RPGRIP1L: variants seen among roughly 807,000 people sequenced by gnomAD.
RPGRIP1L encodes RPGRIP1 like.
RPGRIP1L carries 131 observed loss-of-function variants against 160.4 expected under a neutral mutation model. That is an observed-to-expected ratio of 0.82 (90% CI 0.71 to 0.94). RPGRIP1L has a LOEUF of 0.94. Among genes scored for constraint, RPGRIP1L ranks in the 40% least tolerant of loss-of-function variants. The pLI is 0.00. For synonymous variants in RPGRIP1L, 510 were observed against 515.8 expected, an observed-to-expected ratio of 0.99 and a Z score of 0.15; for missense variants, 1,522 against 1,535.8, an observed-to-expected ratio of 0.99 and a Z score of 0.15.
Position 53,652,703 on chromosome 16 carries a change from G to C in RPGRIP1L, c.1984C>G (p.Leu662Val). 1.2e-6 allele frequency: 2 copies of C among 1,614,100 alleles called. No homozygotes were observed. The highest frequency in any genetic ancestry group is 1.7e-6 in the Non-Finnish European group (2 of 1,179,990). Residue 662 changes from leucine to valine, a missense_variant, in exon 15 of 27, where the codon CTT becomes GTT. Leu to Val is a conservative substitution (Grantham distance 32, BLOSUM62 1). Coordinates refer to ENST00000647211, the MANE Select transcript of RPGRIP1L (RefSeq NM_015272.5). ...AAAAATAAGTCATTAACATGAACAAGATATTGAGAAGTGAAGTTATATTCG... is the reference window on the plus strand; with the variant it reads ...AAAAATAAGTCATTAACATGAACAACATATTGAGAAGTGAAGTTATATTCG... ...HPEYNFTSQYLVHVNDLFLQY... is the reference protein window; with the variant it reads ...HPEYNFTSQYVVHVNDLFLQY...
rs183419371 is a variant in RPGRIP1L at position 53,672,937 on chromosome 16, C to T, written c.962G>A (p.Arg321His). The change falls in exon 8 of 27, where the codon CGT (arginine) becomes CAT (histidine). Residue 321 changes from arginine to histidine, a missense_variant. Transcript: ENST00000647211. ...TTTCTCAAGACTGCAGCATTTTAAA[C>T]GCTGCTCTTTAAGTTGCATGTTTAA... is the stretch of plus-strand genomic sequence containing the variant. ...DELNMQLKEQ[R>H]LKCCSLEKQL... is the part of the protein sequence containing the mutation. 9.4e-5 allele frequency: 152 copies of T among 1,612,240 alleles called. No individual in the cohort carries two copies. The East Asian group carries it at 1.3e-3, about 14-fold the overall frequency.
intron 10 of RPGRIP1L, among the ~76,000 whole-genome samples, chr16:53,663,977 T>C (rs1459869581): frequency 6.6e-6 from 1 of 152,196 alleles, no homozygotes; most frequent in African/African-American, 2.4e-5. Context: ...GAATACTAAC[T>C]AGAAACGTAA....
intron 6 of RPGRIP1L, among the ~76,000 whole-genome samples, chr16:53,677,734 C>T (rs971136696): frequency 6.6e-6 from 1 of 152,116 alleles, no homozygotes; most frequent in Non-Finnish European, 1.5e-5. Flanking sequence ...GGGTGTTTAG[C>T]TAAGTGACCA....
At chr16:53,663,885 A>C (rs143552022) in intron 10 of RPGRIP1L, among the ~76,000 whole-genome samples, 3,364 of 152,284 alleles carry the variant, frequency 0.022, 57 homozygotes, top group Non-Finnish European at 0.034. Context: ...ATGCAACTCA[A>C]TATTAGAGAT....
At chr16:53,628,983 G>GGTGT (rs35864942) in intron 22 of RPGRIP1L, among the ~76,000 whole-genome samples, 2 of 151,594 alleles carry the variant, frequency 1.3e-5, no homozygotes, top group African/African-American at 4.8e-5. Flanking sequence ...CCATAGAAAT[G>GGTGT]GTGTGTGTGT....
At chr16:53,605,759 ATAAGT>A in intron 25 of RPGRIP1L, 145 bp from the exon 26 acceptor site, 2 of 791,710 alleles carry the variant, frequency 2.5e-6, no homozygotes, top group South Asian at 1.5e-5. Flanking sequence ...ACTAGGCTAG[ATAAGT>A]TATTATATGA....
Position 53,641,445 on chromosome 16 carries a change from T to A in RPGRIP1L, c.2714A>T (p.His905Leu), listed in dbSNP as rs769854611. The change falls in exon 18 of 27, where the codon CAT becomes CTT. Residue 905 changes from histidine (H) to leucine (L), a missense_variant. His to Leu is a moderately conservative substitution (Grantham distance 99). Transcript: ENST00000647211. ...TATAACATGGATGGTGCCAGCAGGA[T>A]GCTTTTGATGGTCTGTTAACTCAAA... ...GIFELTDHQK[H>L]PAGTIHVILK... The A allele has an allele frequency of 1.2e-6, 2 of 1,613,946 alleles. No individual in the cohort carries two copies. Among genetic ancestry groups the A allele is most frequent in the South Asian group, 1.1e-5 (1 of 91,076 alleles).
chr16:53,687,222 C>A (rs975498548), intron 5 of RPGRIP1L, among the ~76,000 whole-genome samples: 3 of 152,106 alleles, frequency 2.0e-5, no homozygotes, highest in Admixed American at 6.6e-5. Flanking sequence ...ATACTGTGCG[C>A]CATGTTTTCT....
At chr16:53,664,011 A>G (rs1968031703) in intron 10 of RPGRIP1L, among the ~76,000 whole-genome samples, 1 of 152,220 alleles carries the variant, frequency 6.6e-6, no homozygotes. Flanking sequence ...AGTATGTATT[A>G]AACTTTTAAA....
intron 25 of RPGRIP1L, among the ~76,000 whole-genome samples, chr16:53,606,043 T>C (rs768837406): frequency 3.3e-5 from 5 of 152,004 alleles, no homozygotes; most frequent in Admixed American, 3.3e-4. Context: ...AACTCTGGAG[T>C]TGCTACTAAG....
chr16:53,638,243 A>T (rs1180147741), intron 20 of RPGRIP1L, 67 bp downstream of exon 20: 1 of 964,588 alleles, frequency 1.0e-6, no homozygotes. Context: ...TCATGTCAAA[A>T]CTTATAAGAC....
At chr16:53,650,516 G>A (rs760586037) in intron 15 of RPGRIP1L, among the ~76,000 whole-genome samples, 1 of 152,108 alleles carries the variant, frequency 6.6e-6, no homozygotes, top group African/African-American at 2.4e-5. Flanking sequence ...TTGAGTCCAG[G>A]AGCTCGAGAC....
At chr16:53,657,757 C>A in intron 12 of RPGRIP1L, 125 bp from the exon 13 acceptor site, 1 of 632,764 alleles carries the variant, frequency 1.6e-6, no homozygotes, top group Non-Finnish European at 2.7e-6. Context: ...TAATTGAAAA[C>A]AGACAAAGGA....
intron 10 of RPGRIP1L, among the ~76,000 whole-genome samples, chr16:53,663,358 T>C (rs1967969251): frequency 6.6e-6 from 1 of 152,062 alleles, no homozygotes; most frequent in South Asian, 2.1e-4. Flanking sequence ...AAAAGCTTCT[T>C]TGCAAAGATC....
intron 22 of RPGRIP1L, among the ~76,000 whole-genome samples, chr16:53,634,263 G>A (rs907059563): frequency 1.3e-5 from 2 of 152,098 alleles, no homozygotes; most frequent in Non-Finnish European, 2.9e-5. Flanking sequence ...AACTCCTGAA[G>A]GCCATATTTC....
intron 22 of RPGRIP1L, chr16:53,628,625 C>T (rs1174329985): frequency 6.6e-6 from 1 of 152,064 alleles, no homozygotes; most frequent in Non-Finnish European, 1.5e-5. Context: ...TAAGTACATA[C>T]AAAGGTGATG....
chr16:53,685,096 CA>C lies in RPGRIP1L; in HGVS notation c.776+1336del, dbSNP rs566355668. Among the ~76,000 whole-genome samples the C allele has an allele frequency of 4.7e-3, 712 of 151,066 alleles. 3 individuals are homozygous for C. The highest frequency in any genetic ancestry group is 7.6e-3 in the Non-Finnish European group (518 of 67,744). ...TTCTCAAAAGAAGACATCATGTGGC[CA>C]AAAAAACATAAAAAAAAAGCTCAAC... On this transcript the variant is annotated intron_variant, in intron 6 of 26. Transcript: ENST00000647211.
At chr16:53,618,689 G>A (rs1964526491) in intron 24 of RPGRIP1L, among the ~76,000 whole-genome samples, 1 of 152,034 alleles carries the variant, frequency 6.6e-6, no homozygotes, top group South Asian at 2.1e-4. Context: ...GACTACAGGA[G>A]CGCAACACCA....
chr16:53,623,175 T>A (rs898624920), intron 22 of RPGRIP1L, among the ~76,000 whole-genome samples: 1 of 152,196 alleles, frequency 6.6e-6, no homozygotes, highest in Admixed American at 6.5e-5. Context: ...GGGTAACTAA[T>A]ACAATAGCTT....
Sources: gnomAD v4.1 joint callset for allele counts (sites outside exome capture counted in the v4.1 genomes callset) on GRCh38, gnomAD v4.1.1 for gene constraint, MANE v1.5 for transcripts, NCBI Gene and HGNC (gene_info 2026-07-23, HGNC 2026-07-21) for gene names.